Variants in LYPD6B observed in about 807,000 individuals in gnomAD.
LYPD6B encodes the protein ly6/PLAUR domain-containing protein 6B.
Under a neutral mutation model 22.8 loss-of-function variants are expected in LYPD6B, and 17 were observed. That is an observed-to-expected ratio of 0.75 (90% CI 0.51 to 1.12). The LOEUF is 1.12. LYPD6B is among the 50% of genes most tolerant of loss of function. LYPD6B has a pLI of 0.00. For missense variants in LYPD6B, 221 were observed against 258.3 expected (o/e 0.86, Z 0.99); for synonymous variants, 106 against 91.6 (o/e 1.16, Z -0.90).
At chr2:149,161,813 C>T (rs549029018) in intron 3 of LYPD6B, among the ~76,000 whole-genome samples, 1 of 152,292 alleles carries the variant, frequency 6.6e-6, no homozygotes, top group South Asian at 2.1e-4. Flanking sequence ...ATTATTAGCA[C>T]CTGTGTTTGT....
At chr2:149,110,374 T>C (rs1176088462) in intron 1 of LYPD6B, among the ~76,000 whole-genome samples, 3 of 152,240 alleles carry the variant, frequency 2.0e-5, no homozygotes, top group African/African-American at 7.2e-5. Flanking sequence ...TACTAATCTT[T>C]GCTTGGATGC....
At chr2:149,197,754 T>C (rs979306601) in intron 3 of LYPD6B, among the ~76,000 whole-genome samples, 6 of 152,234 alleles carry the variant, frequency 3.9e-5, no homozygotes, top group Non-Finnish European at 8.8e-5. Context: ...GCTTCGTTCA[T>C]GGAAGGGGTT....
chr2:149,188,984 A>G (rs1027231711), intron 3 of LYPD6B, among the ~76,000 whole-genome samples: 1 of 152,180 alleles, frequency 6.6e-6, no homozygotes, highest in African/African-American at 2.4e-5. Flanking sequence ...TGAAATGCTG[A>G]GAAATAGCCC....
At chr2:149,181,399 C>T (rs1217537142) in intron 3 of LYPD6B, among the ~76,000 whole-genome samples, 1 of 150,438 alleles carries the variant, frequency 6.6e-6, no homozygotes, top group East Asian at 2.0e-4. Context: ...TGCTGTTGTT[C>T]AGTGACATGA....
chr2:149,076,013 A>C (rs1031487657), intron 1 of LYPD6B, among the ~76,000 whole-genome samples: 15 of 152,162 alleles, frequency 9.9e-5, no homozygotes, highest in Admixed American at 6.6e-4. Context: ...TCTAGGAGAG[A>C]GGGAGGATCC....
At chr2:149,127,172 T>C (rs542004653) in intron 1 of LYPD6B, among the ~76,000 whole-genome samples, 1 of 152,142 alleles carries the variant, frequency 6.6e-6, no homozygotes, top group East Asian at 1.9e-4. Context: ...TAATATTCTA[T>C]GTCTGAGAAT....
rs1693186625 is a variant in LYPD6B, at chr2:149,201,940, C to T, written c.78-3313C>T. 3.3e-5 allele frequency among the ~76,000 whole-genome samples: 5 copies of T among 152,262 alleles called. 1 individual carries two copies. The South Asian group carries it at 1.0e-3, about 32-fold the overall frequency. On this transcript the variant is annotated intron_variant, in intron 3 of 6. Transcript: ENST00000409642. ...GATCATTACATATGTTGCTGCTAAACCACGGTTTCCTCACTTGTACAATGA... is the reference window on the plus strand; with the variant it reads ...GATCATTACATATGTTGCTGCTAAATCACGGTTTCCTCACTTGTACAATGA...
chr2:149,038,914 T>C (rs1682927634), intron 1 of LYPD6B, 113 bp downstream of exon 1: 2 of 149,114 alleles, frequency 1.3e-5, no homozygotes, highest in Non-Finnish European at 3.0e-5. Context: ...CTGCGCCCCT[T>C]CTGGGCGCGC....
intron 4 of LYPD6B, among the ~76,000 whole-genome samples, chr2:149,207,533 A>C (rs1328141321): frequency 6.6e-6 from 1 of 152,040 alleles, no homozygotes; most frequent in African/African-American, 2.4e-5. Flanking sequence ...GAAAAAAAAA[A>C]GGCATAAAGA....
intron 4 of LYPD6B, chr2:149,205,961 T>C: frequency 2.2e-6 from 1 of 446,510 alleles, no homozygotes; most frequent in Non-Finnish European, 4.6e-6. Context: ...ACATTTTACA[T>C]ACATATGTCT....
chr2:149,192,829 AG>A (rs1439196863), intron 3 of LYPD6B, among the ~76,000 whole-genome samples: 2 of 152,172 alleles, frequency 1.3e-5, no homozygotes, highest in Non-Finnish European at 2.9e-5. Flanking sequence ...CCTCAGAGCC[AG>A]GGGAGTGGGC....
intron 3 of LYPD6B, chr2:149,187,546 C>A: frequency 2.7e-6 from 4 of 1,456,314 alleles, no homozygotes; most frequent in Admixed American, 2.8e-5. Context: ...GGATCTCAGG[C>A]AACGTCAATG....
Position 149,120,383 on chromosome 2 carries a change from A to ATTTTTTTTTT in LYPD6B, c.-66-10490_-66-10481dup, listed in dbSNP as rs869074241. ...TGTGTATATATATATATATATATAT[A>ATTTTTTTTTT]TTTTTTTTTTTTTTTTTTTGAGATG... On this transcript the variant is annotated intron_variant, in intron 1 of 6. Coordinates refer to ENST00000409642, the MANE Select transcript of LYPD6B (RefSeq NM_177964.5). Among the ~76,000 whole-genome samples, 18 of 48,608 alleles carry ATTTTTTTTTT rather than the reference A, an allele frequency of 3.7e-4. 1 individual carries two copies. Among genetic ancestry groups the ATTTTTTTTTT allele is most frequent in the African/African-American group, 5.3e-4 (5 of 9,400 alleles). The allele number at this position is 48,608 out of a possible 152,430, so 31.9% of individuals were successfully genotyped here.
chr2:149,046,647 G>A (rs1683318266), intron 1 of LYPD6B, among the ~76,000 whole-genome samples: 1 of 151,840 alleles, frequency 6.6e-6, no homozygotes, highest in Non-Finnish European at 1.5e-5. Flanking sequence ...CTCCACTATG[G>A]ACTTCTTACC....
At chr2:149,175,057 C>CTGTG (rs1480516583) in intron 3 of LYPD6B, among the ~76,000 whole-genome samples, 68 of 127,476 alleles carry the variant, frequency 5.3e-4, no homozygotes, top group African/African-American at 1.6e-3. Flanking sequence ...CTCTCTCTCT[C>CTGTG]TCTCTGTGTG....
chr2:149,192,905 G>A lies in LYPD6B; in HGVS notation c.78-12348G>A, dbSNP rs534009292. Among the ~76,000 whole-genome samples the A allele has an allele frequency of 2.0e-5, 3 of 152,176 alleles. No individual in the cohort carries two copies. In the South Asian group the frequency reaches 6.2e-4, roughly 32 times the overall value. On this transcript the variant is annotated intron_variant, in intron 3 of 6. Transcript: ENST00000409642. ...AGCATTTATTCAATGATTACGTTGGGCAGTCTCTGGGGGGCTTTTGGGGAG... is the reference window on the plus strand; with the variant it reads ...AGCATTTATTCAATGATTACGTTGGACAGTCTCTGGGGGGCTTTTGGGGAG...
At chr2:149,157,804 T>C (rs766415648) in intron 2 of LYPD6B, among the ~76,000 whole-genome samples, 12 of 152,200 alleles carry the variant, frequency 7.9e-5, no homozygotes, top group Non-Finnish European at 1.2e-4. Context: ...GTTACCTTAT[T>C]TATATACCCT....
chr2:149,075,015 G>C (rs1439574974), intron 1 of LYPD6B, among the ~76,000 whole-genome samples: 2 of 152,052 alleles, frequency 1.3e-5, no homozygotes, highest in Non-Finnish European at 2.9e-5. Context: ...TAATCTTAAA[G>C]AAAACAAAAT....
At chr2:149,110,238 A>G (rs907085158) in intron 1 of LYPD6B, among the ~76,000 whole-genome samples, 3 of 152,162 alleles carry the variant, frequency 2.0e-5, no homozygotes, top group Admixed American at 1.3e-4. Context: ...TTCAAAATAT[A>G]GGGAGTACAG....
Sources: allele counts gnomAD v4.1 joint callset (sites outside exome capture counted in the v4.1 genomes callset), GRCh38; gene constraint gnomAD v4.1.1; transcripts MANE v1.5; gene names NCBI Gene and HGNC (gene_info 2026-07-23, HGNC 2026-07-21).